The following USH2A variants were observed in gnomAD, a reference collection of about 807,000 sequenced individuals.
The protein encoded by USH2A is usherin.
Under a neutral mutation model 538.9 loss-of-function variants are expected in USH2A, and 443 were observed. That is an observed-to-expected ratio of 0.82 (90% CI 0.76 to 0.89). The LOEUF (loss-of-function observed/expected upper bound fraction) is 0.89, where lower values mean the gene tolerates loss of function less well. Ranked by LOEUF, USH2A falls within the 40% of genes least tolerant of loss-of-function variation. USH2A has a pLI of 0.00. For synonymous variants in USH2A, 2,413 were observed against 2,273.5 expected (o/e 1.06, Z -1.75); for missense variants, 6,633 against 6,324.8 (o/e 1.05, Z -1.65).
intron 11 of USH2A, among the ~76,000 whole-genome samples, chr1:216,259,088 C>T (rs1458073659): frequency 1.3e-5 from 2 of 152,072 alleles, no homozygotes; most frequent in African/African-American, 4.8e-5. Flanking sequence ...TTCAACTGTT[C>T]CTGTTAAGCA....
intron 19 of USH2A, among the ~76,000 whole-genome samples, chr1:216,194,893 T>C (rs1055627302): frequency 1.3e-5 from 2 of 152,096 alleles, no homozygotes; most frequent in African/African-American, 2.4e-5. Flanking sequence ...TACAGGCAGA[T>C]GAGCCACTTG....
chr1:216,086,012 G>T (rs115534799), intron 24 of USH2A, among the ~76,000 whole-genome samples: 2,580 of 152,068 alleles, frequency 0.017, 77 homozygotes, highest in African/African-American at 0.06. Context: ...GAGAGACTTG[G>T]GAGGCACCCT....
At chr1:215,918,951 C>A (rs966711781) in intron 38 of USH2A, among the ~76,000 whole-genome samples, 3 of 151,860 alleles carry the variant, frequency 2.0e-5, no homozygotes, top group African/African-American at 7.3e-5. Flanking sequence ...GGTTTATGAA[C>A]CTAGGGGGAT....
chr1:215,640,086 C>A (rs1305467579), intron 68 of USH2A, among the ~76,000 whole-genome samples: 1 of 152,098 alleles, frequency 6.6e-6, no homozygotes, highest in African/African-American at 2.4e-5. Context: ...CAAGATTGTT[C>A]TTTCAGGGGC....
At chr1:216,159,537 TACACACACAC>T (rs60343349) in intron 21 of USH2A, among the ~76,000 whole-genome samples, 12 of 146,934 alleles carry the variant, frequency 8.2e-5, no homozygotes, top group Admixed American at 5.5e-4. Context: ...TTTATTTATG[TACACACACAC>T]ACACACACAC....
At chr1:216,115,290 T>C (rs560090587) in intron 21 of USH2A, among the ~76,000 whole-genome samples, 1 of 152,206 alleles carries the variant, frequency 6.6e-6, no homozygotes, top group South Asian at 2.1e-4. Context: ...TACAAGCATG[T>C]GCCATCACAC....
intron 9 of USH2A, among the ~76,000 whole-genome samples, chr1:216,301,892 A>G (rs1179106107): frequency 6.6e-6 from 1 of 152,120 alleles, no homozygotes; most frequent in Non-Finnish European, 1.5e-5. Context: ...ATCTCTAATA[A>G]TAGTAATTGT....
In USH2A at chr1:215,976,437, G is replaced by C. The variant is rs115319579; in HGVS notation, c.6806-5661C>G. ...GCTTCTACCTGCTCTGTGTGATGTT[G>C]GCTGTGGGTTTGTCATAGATAGCTC... On this transcript the variant is annotated intron_variant, in intron 35 of 71. Coordinates refer to ENST00000307340, the MANE Select transcript of USH2A (RefSeq NM_206933.4). 8.9e-3 allele frequency among the ~76,000 whole-genome samples: 1,361 copies of C among 152,150 alleles called. 11 individuals are homozygous for C. The highest frequency in any genetic ancestry group is 0.036 in the South Asian group (175 of 4,810).
intron 37 of USH2A, among the ~76,000 whole-genome samples, chr1:215,960,259 A>AATTT (rs1412949231): frequency 2.0e-5 from 3 of 152,148 alleles, no homozygotes; most frequent in Non-Finnish European, 4.4e-5. Context: ...AATGGAATAG[A>AATTT]ATTTATAATT....
intron 58 of USH2A, among the ~76,000 whole-genome samples, chr1:215,747,950 G>A (rs1660523484): frequency 6.6e-6 from 1 of 150,466 alleles, no homozygotes; most frequent in South Asian, 2.1e-4. Context: ...GGACTGCAGT[G>A]GCGCAATCTC....
chr1:215,964,993 G>T (rs1442645938), intron 37 of USH2A, among the ~76,000 whole-genome samples: 1 of 152,144 alleles, frequency 6.6e-6, no homozygotes, highest in Non-Finnish European at 1.5e-5. Context: ...GTATATACTA[G>T]TTCTTCAGCA....
rs574953761 is a variant in USH2A at position 215,971,317 on chromosome 1, T to C, written c.6806-541A>G. On this transcript the variant is annotated intron_variant, in intron 35 of 71. Transcript: ENST00000307340. ...GGAGAAACTGGCTTCCTACTGCACA[T>C]TGTCAGTCAGGACATTCAAAAGGGC... 8.5e-5 allele frequency among the ~76,000 whole-genome samples: 13 copies of C among 152,254 alleles called. No homozygotes were observed. The South Asian group carries it at 1.9e-3, about 22-fold the overall frequency.
chr1:216,021,356 A>G (rs1375158071), intron 32 of USH2A, among the ~76,000 whole-genome samples: 2 of 152,012 alleles, frequency 1.3e-5, no homozygotes, highest in Non-Finnish European at 2.9e-5. Context: ...ATAAGATCTG[A>G]CCATTTTATA....
intron 21 of USH2A, among the ~76,000 whole-genome samples, chr1:216,120,807 C>T (rs1227899002): frequency 6.6e-6 from 1 of 151,864 alleles, no homozygotes; most frequent in Non-Finnish European, 1.5e-5. Flanking sequence ...GCCGAGATGG[C>T]GCCACTGCAC....
intron 64 of USH2A, among the ~76,000 whole-genome samples, chr1:215,655,671 G>A (rs1657221854): frequency 6.7e-6 from 1 of 149,404 alleles, no homozygotes; most frequent in African/African-American, 2.5e-5. Context: ...AAATGTATCA[G>A]AAATCTCCAA....
intron 21 of USH2A, chr1:216,174,147 C>T (rs2034326483): frequency 1.0e-6 from 1 of 984,930 alleles, no homozygotes; most frequent in African/African-American, 1.7e-5. Context: ...AAACTATTTA[C>T]TATTTTAAGT....
At chr1:216,110,896 A>C (rs2032851155) in intron 21 of USH2A, among the ~76,000 whole-genome samples, 1 of 152,100 alleles carries the variant, frequency 6.6e-6, no homozygotes, top group African/African-American at 2.4e-5. Flanking sequence ...AACTACTACC[A>C]CCACCAGACT....
intron 44 of USH2A, among the ~76,000 whole-genome samples, chr1:215,846,674 A>G (rs1663857400): frequency 6.6e-6 from 1 of 152,202 alleles, no homozygotes; most frequent in African/African-American, 2.4e-5. Context: ...GAACTTTGAT[A>G]TAACACTTAT....
intron 37 of USH2A, among the ~76,000 whole-genome samples, chr1:215,935,079 G>T (rs1666460178): frequency 6.6e-6 from 1 of 152,020 alleles, no homozygotes; most frequent in Non-Finnish European, 1.5e-5. Context: ...CATATCACAA[G>T]TATCAAGCAT....
Sources: allele counts gnomAD v4.1 joint callset (sites outside exome capture counted in the v4.1 genomes callset), GRCh38; gene constraint gnomAD v4.1.1; transcripts MANE v1.5; gene names NCBI Gene and HGNC (gene_info 2026-07-23, HGNC 2026-07-21).